Variants in ALK observed in about 807,000 individuals in gnomAD.
ALK encodes ALK tyrosine kinase receptor.
ALK carries 74 observed loss-of-function variants against 163.1 expected under a neutral mutation model. That is an observed-to-expected ratio of 0.45 (90% CI 0.38 to 0.55). ALK has a LOEUF of 0.55. Ranked by LOEUF, ALK falls within the 20% of genes least tolerant of loss-of-function variation. ALK has a pLI of 0.00. For synonymous variants in ALK, 960 were observed against 843.2 expected (o/e 1.14, Z -2.40); for missense variants, 2,063 against 2,105.3 (o/e 0.98, Z 0.39).
chr2:29,247,780 G>A (rs1278454761), intron 12 of ALK, among the ~76,000 whole-genome samples: 3 of 152,058 alleles, frequency 2.0e-5, no homozygotes, highest in Non-Finnish European at 2.9e-5. Context: ...CAGTGGAGCC[G>A]TCCCAGTGCC....
At chr2:29,387,184 A>G (rs985618951) in intron 4 of ALK, among the ~76,000 whole-genome samples, 1 of 152,132 alleles carries the variant, frequency 6.6e-6, no homozygotes, top group Non-Finnish European at 1.5e-5. Flanking sequence ...GTCACAATCC[A>G]TTATCTTCCC....
chr2:29,448,164 C>T (rs1195009145), intron 4 of ALK, among the ~76,000 whole-genome samples: 1 of 152,180 alleles, frequency 6.6e-6, no homozygotes, highest in African/African-American at 2.4e-5. Flanking sequence ...CTAACGGACA[C>T]AGTTCGAATC....
At chr2:29,264,290 A>G (rs1228370812) in intron 11 of ALK, among the ~76,000 whole-genome samples, 4 of 152,224 alleles carry the variant, frequency 2.6e-5, no homozygotes, top group African/African-American at 7.2e-5. Context: ...GCCTAGAGTA[A>G]GAAGTAGCAT....
chr2:29,542,512 C>A (rs561578943), intron 3 of ALK, among the ~76,000 whole-genome samples: 1 of 152,128 alleles, frequency 6.6e-6, no homozygotes, highest in Non-Finnish European at 1.5e-5. Context: ...ATGTTTATTT[C>A]ATCTTTACAT....
intron 3 of ALK, among the ~76,000 whole-genome samples, chr2:29,668,149 T>G (rs1209367119): frequency 6.6e-6 from 1 of 152,076 alleles, no homozygotes; most frequent in Non-Finnish European, 1.5e-5. Flanking sequence ...TCTTCATTTC[T>G]AATTTCATTA....
intron 1 of ALK, among the ~76,000 whole-genome samples, chr2:29,910,972 A>G (rs1189276246): frequency 6.7e-6 from 1 of 148,990 alleles, no homozygotes; most frequent in East Asian, 1.9e-4. Context: ...TGGACGAAAC[A>G]ACAACAACAA....
At position 29,711,722 on chromosome 2, in the gene ALK, G is replaced by A. The variant is rs953470927; in HGVS notation, c.787+5856C>T. Among the ~76,000 whole-genome samples, 8 of 152,056 alleles carry A rather than the reference G, an allele frequency of 5.3e-5. No homozygotes were observed. The South Asian group carries it at 1.5e-3, about 28-fold the overall frequency. ...GGGGTGAGAGCTGAACCATGTCAAC[G>A]GGAAAAAGAATAAATGAAAAGGCAG... On this transcript the variant is annotated intron_variant, in intron 2 of 28. Coordinates refer to ENST00000389048, the MANE Select transcript of ALK (RefSeq NM_004304.5).
rs756989551 is a variant in ALK at position 29,193,490 on chromosome 2, G to A, written c.4597C>T (p.Leu1533=). ...ACAGTACAGCTTCCCTCCAGCCCCA[G>A]GTTACCCCTGTCGTGTGGCTCCTTC... ...AKKEPHDRGN[L]GLEGSCTVPP... is the part of the protein sequence containing the mutation. Residue 1533 remains leucine (L), a synonymous_variant, in exon 29 of 29, where the codon CTG becomes TTG. Coordinates refer to ENST00000389048, the MANE Select transcript of ALK (RefSeq NM_004304.5). The A allele has an allele frequency of 2.5e-6, 4 of 1,614,152 alleles. No homozygotes were observed. The highest frequency in any genetic ancestry group is 8.5e-7 in the Non-Finnish European group (1 of 1,180,022).
intron 4 of ALK, among the ~76,000 whole-genome samples, chr2:29,522,803 C>T (rs139565654): frequency 1.3e-5 from 2 of 152,292 alleles, no homozygotes; most frequent in African/African-American, 4.8e-5. Flanking sequence ...TCCACTGAAA[C>T]CCACTTGTGC....
At chr2:29,891,211 A>G (rs1163393009) in intron 1 of ALK, among the ~76,000 whole-genome samples, 1 of 152,150 alleles carries the variant, frequency 6.6e-6, no homozygotes, top group Non-Finnish European at 1.5e-5. Context: ...CTGTAACATC[A>G]CAGTATTAGA....
intron 3 of ALK, among the ~76,000 whole-genome samples, chr2:29,687,065 T>G (rs1678262045): frequency 1.3e-5 from 2 of 151,894 alleles, no homozygotes; most frequent in Non-Finnish European, 1.5e-5. Flanking sequence ...AGGCCACACA[T>G]CCACCCAGTG....
chr2:29,453,424 C>T (rs542536223), intron 4 of ALK, among the ~76,000 whole-genome samples: 31 of 151,954 alleles, frequency 2.0e-4, no homozygotes, highest in African/African-American at 5.8e-4. Flanking sequence ...TTGGTAGAGA[C>T]GAGTTCTCAC....
intron 3 of ALK, among the ~76,000 whole-genome samples, chr2:29,624,955 T>C (rs1000703176): frequency 2.6e-5 from 4 of 152,126 alleles, no homozygotes; most frequent in Non-Finnish European, 5.9e-5. Flanking sequence ...GGTGGGGAGA[T>C]AAGACTGACA....
At chr2:29,481,360 T>C (rs1385496835) in intron 4 of ALK, among the ~76,000 whole-genome samples, 1 of 152,230 alleles carries the variant, frequency 6.6e-6, no homozygotes, top group Non-Finnish European at 1.5e-5. Flanking sequence ...AAGAGCAATG[T>C]GGAAGGGAAG....
intron 26 of ALK, 42 bp from the exon 27 acceptor site, chr2:29,197,718 C>A (rs375704354): frequency 6.6e-7 from 1 of 1,518,784 alleles, no homozygotes; most frequent in South Asian, 1.1e-5. Flanking sequence ...TATAGACACA[C>A]CCACCCACAT....
chr2:29,416,869 T>C (rs985230201), intron 4 of ALK, among the ~76,000 whole-genome samples: 2 of 151,950 alleles, frequency 1.3e-5, no homozygotes, highest in African/African-American at 2.4e-5. Flanking sequence ...AAGCTTCTTA[T>C]GTATCACCAG....
At chr2:29,289,924 C>T (rs564626866) in intron 9 of ALK, among the ~76,000 whole-genome samples, 12 of 152,312 alleles carry the variant, frequency 7.9e-5, no homozygotes, top group African/African-American at 2.6e-4. Flanking sequence ...CTCCAGCTCC[C>T]AGGACTCGTG....
rs570715676 is a variant in ALK, at chr2:29,581,925, G to T, written c.953-49809C>A. 3.9e-5 allele frequency among the ~76,000 whole-genome samples: 6 copies of T among 152,322 alleles called. 1 individual carries two copies. The South Asian group carries it at 1.2e-3, about 32-fold the overall frequency. Reference sequence around the variant, plus strand: ...AAGGATGATACTAAGGGAAGACTGGGCATGGGTGGTGCCTCTGCAGAGTAG... The same window carrying T: ...AAGGATGATACTAAGGGAAGACTGGTCATGGGTGGTGCCTCTGCAGAGTAG... On this transcript the variant is annotated intron_variant, in intron 3 of 28. Transcript: ENST00000389048.
chr2:29,840,674 G>T (rs1214533195), intron 1 of ALK, among the ~76,000 whole-genome samples: 1 of 152,198 alleles, frequency 6.6e-6, no homozygotes, highest in Non-Finnish European at 1.5e-5. Context: ...ATTCGGGAAA[G>T]AAAGAATTTC....
Sources: gnomAD v4.1 joint callset for allele counts (sites outside exome capture counted in the v4.1 genomes callset) on GRCh38, gnomAD v4.1.1 for gene constraint, MANE v1.5 for transcripts, NCBI Gene and HGNC (gene_info 2026-07-23, HGNC 2026-07-21) for gene names.